Variants in ENOX2 observed in about 807,000 individuals in gnomAD.
ENOX2 encodes the protein APK1 antigen.
In ENOX2, 36 loss-of-function variants were observed where a neutral mutation model predicts 45.0. That is an observed-to-expected ratio of 0.80 (90% CI 0.61 to 1.06). The LOEUF is 1.06. Among genes scored for constraint, ENOX2 ranks in the 50% least tolerant of loss-of-function variants. The pLI is 0.00. For synonymous variants in ENOX2, 174 were observed against 152.3 expected (o/e 1.14, Z -1.05); for missense variants, 423 against 462.5 (o/e 0.91, Z 0.78).
chrX:130,859,506 G>A (rs1386685370), intron 2 of ENOX2, among the ~76,000 whole-genome samples: 3 of 112,581 alleles, frequency 2.7e-5, no homozygotes, highest in Admixed American at 9.3e-5. Context: ...GATAGTACCT[G>A]AATTGAGTCT....
At chrX:130,731,396 C>G (rs761684284) in intron 3 of ENOX2, among the ~76,000 whole-genome samples, 15 of 111,466 alleles carry the variant, frequency 1.3e-4, no homozygotes, top group Middle Eastern at 4.6e-3. Context: ...GAGGTGTTGC[C>G]AGGGGTAACA....
rs1414028218 is a variant in ENOX2 at position 130,622,808 on chromosome X, A to T, written c.*2506T>A. Among the ~76,000 whole-genome samples the T allele has an allele frequency of 1.1e-4, 12 of 111,757 alleles. No individual in the cohort carries two copies. Among genetic ancestry groups the T allele is most frequent in the Non-Finnish European group, 2.1e-4 (11 of 53,247 alleles). On this transcript the variant is annotated 3_prime_UTR_variant, in exon 15 of 15. Transcript: ENST00000394363. Reference sequence around the variant, plus strand: ...TATGTATATATCTATGCTTATCTATATATAGATATATATGAGAGAGATCTA... The same window carrying T: ...TATGTATATATCTATGCTTATCTATTTATAGATATATATGAGAGAGATCTA...
At chrX:130,735,675 T>C (rs1426384336) in intron 3 of ENOX2, among the ~76,000 whole-genome samples, 1 of 112,181 alleles carries the variant, frequency 8.9e-6, no homozygotes, top group Non-Finnish European at 1.9e-5. Flanking sequence ...TAAATGTTTA[T>C]TATGGCATTG....
At position 130,788,952 on chromosome X, in the gene ENOX2, T is replaced by C. The variant is rs189300039; in HGVS notation, c.-182-5262A>G. Among the ~76,000 whole-genome samples, 127 of 111,789 alleles carry C rather than the reference T, an allele frequency of 1.1e-3. 1 individual carries two copies. The highest frequency in any genetic ancestry group is 0.01 in the Admixed American group (108 of 10,533). On this transcript the variant is annotated intron_variant, in intron 2 of 14. Transcript: ENST00000394363. ...TAACGTAATCTCATCTAAAACCAAG[T>C]TGACTGGTGTAGACAGCTGACCAGC...
intron 2 of ENOX2, among the ~76,000 whole-genome samples, chrX:130,866,466 C>A (rs1042593878): frequency 3.6e-5 from 4 of 111,808 alleles, no homozygotes; most frequent in Admixed American, 1.9e-4. Context: ...ATTTATTTAT[C>A]CAGCTAATCT....
chrX:130,896,354 GA>G (rs201780754), intron 2 of ENOX2, among the ~76,000 whole-genome samples: 2 of 104,355 alleles, frequency 1.9e-5, no homozygotes, highest in African/African-American at 3.5e-5. Flanking sequence ...ATCCCACTGA[GA>G]AAAAAAAAAC....
intron 3 of ENOX2, among the ~76,000 whole-genome samples, chrX:130,780,014 A>G (rs1003116127): frequency 8.9e-6 from 1 of 111,769 alleles, no homozygotes; most frequent in African/African-American, 3.3e-5. Context: ...GTTGGATAAG[A>G]CTTTGACAAG....
chrX:130,759,297 A>G (rs1327921322), intron 3 of ENOX2, among the ~76,000 whole-genome samples: 2 of 111,248 alleles, frequency 1.8e-5, no homozygotes, highest in Non-Finnish European at 3.8e-5. Context: ...TATCACTGAA[A>G]AGGTCAGATG....
At chrX:130,877,358 A>G (rs1281224590) in intron 2 of ENOX2, among the ~76,000 whole-genome samples, 1 of 112,035 alleles carries the variant, frequency 8.9e-6, no homozygotes, top group Non-Finnish European at 1.9e-5. Context: ...AACATCCTAC[A>G]TTGTACTTAA....
chrX:130,690,786 A>G (rs1420127730), intron 4 of ENOX2, among the ~76,000 whole-genome samples: 1 of 110,899 alleles, frequency 9.0e-6, no homozygotes, highest in East Asian at 2.8e-4. Flanking sequence ...TGACAGGCAC[A>G]ATAAGAGGGA....
chrX:130,815,311 T>C (rs2077463134), intron 2 of ENOX2, among the ~76,000 whole-genome samples: 1 of 112,223 alleles, frequency 8.9e-6, no homozygotes, highest in African/African-American at 3.2e-5. Context: ...TGGAACCAAG[T>C]TGCAAAACAC....
intron 3 of ENOX2, among the ~76,000 whole-genome samples, chrX:130,722,436 G>A (rs1234507036): frequency 8.9e-6 from 1 of 112,213 alleles, no homozygotes; most frequent in Non-Finnish European, 1.9e-5. Context: ...AAATGGTGAT[G>A]TATTGTATAT....
In ENOX2 at chrX:130,786,401, T is replaced by TTTA. The variant is rs961494109; in HGVS notation, c.-182-2714_-182-2712dup. Among the ~76,000 whole-genome samples, 7 of 110,337 alleles carry TTTA rather than the reference T, an allele frequency of 6.3e-5. No individual in the cohort carries two copies. In the South Asian group the frequency reaches 1.2e-3, roughly 18 times the overall value. ...AAACAGAAAAACTTTTTTTTTTTCTTTTATTATTATTATTATTATACTTTA... is the reference window on the plus strand; with the variant it reads ...AAACAGAAAAACTTTTTTTTTTTCTTTTATTATTATTATTATTATTATACTTTA... On this transcript the variant is annotated intron_variant, in intron 2 of 14. Coordinates refer to ENST00000394363, the MANE Select transcript of ENOX2 (RefSeq NM_006375.4).
At chrX:130,781,900 T>G (rs2076903698) in intron 3 of ENOX2, among the ~76,000 whole-genome samples, 1 of 111,057 alleles carries the variant, frequency 9.0e-6, no homozygotes, top group Non-Finnish European at 1.9e-5. Context: ...AGACAGGACA[T>G]GTGTAAAATG....
At chrX:130,703,920 T>C (rs1244268528) in intron 3 of ENOX2, among the ~76,000 whole-genome samples, 4 of 111,481 alleles carry the variant, frequency 3.6e-5, no homozygotes. Context: ...CCATTATCAC[T>C]GTTATCACCA....
chrX:130,805,624 CCAT>C (rs755637191), intron 2 of ENOX2, among the ~76,000 whole-genome samples: 326 of 111,674 alleles, frequency 2.9e-3, no homozygotes, highest in Non-Finnish European at 4.5e-3. Context: ...TTACACACCA[CCAT>C]ATGTCATATC....
intron 4 of ENOX2, among the ~76,000 whole-genome samples, chrX:130,691,016 TACACAC>T (rs757871411): frequency 1.9e-5 from 2 of 107,995 alleles, no homozygotes; most frequent in Admixed American, 9.9e-5. Context: ...AACTTGCATG[TACACAC>T]ACACACACAC....
chrX:130,873,268 A>T (rs2078633868), intron 2 of ENOX2, among the ~76,000 whole-genome samples: 1 of 112,569 alleles, frequency 8.9e-6, no homozygotes, highest in South Asian at 3.7e-4. Flanking sequence ...GAAGACATTT[A>T]TGCAGCCAAC....
chrX:130,783,354 A>T (rs1197015596), intron 3 of ENOX2, among the ~76,000 whole-genome samples, 193 bp downstream of exon 3: 1 of 111,674 alleles, frequency 9.0e-6, no homozygotes, highest in African/African-American at 3.3e-5. Context: ...ACTCTATCTA[A>T]TTATCACAGT....
Sources: gnomAD v4.1 joint callset for allele counts (sites outside exome capture counted in the v4.1 genomes callset) on GRCh38, gnomAD v4.1.1 for gene constraint, MANE v1.5 for transcripts, NCBI Gene and HGNC (gene_info 2026-07-23, HGNC 2026-07-21) for gene names.